COPB2: variants seen among roughly 807,000 people sequenced by gnomAD.
COPB2 encodes coatomer subunit beta'.
COPB2 carries 16 observed loss-of-function variants against 120.8 expected under a neutral mutation model. That is an observed-to-expected ratio of 0.13 (90% CI 0.09 to 0.20). The LOEUF is 0.20. Ranked by LOEUF, COPB2 falls within the 10% of genes least tolerant of loss-of-function variation. COPB2 has a pLI of 1.00. For missense variants in COPB2, 794 were observed against 1,076.5 expected (o/e 0.74, Z 3.67); for synonymous variants, 332 against 366.3 (o/e 0.91, Z 1.07).
intron 5 of COPB2, among the ~76,000 whole-genome samples, chr3:139,377,255 A>AG (rs11403501): frequency 6.6e-6 from 1 of 151,986 alleles, no homozygotes; most frequent in Non-Finnish European, 1.5e-5. Flanking sequence ...AATCTGAGAA[A>AG]GGCTGAAACA....
At position 139,367,047 on chromosome 3, in the gene COPB2, T is replaced by A; in HGVS notation, c.1644A>T (p.Gly548=). 1.9e-6 allele frequency: 3 copies of A among 1,613,658 alleles called. No homozygotes were observed. In the South Asian group the frequency reaches 3.3e-5, roughly 18 times the overall value. Residue 548 remains glycine, a synonymous_variant, in exon 14 of 22, where the codon GGA becomes GGT. Coordinates refer to ENST00000333188, the MANE Select transcript of COPB2 (RefSeq NM_004766.3). The part of the protein sequence containing the change: ...SSVNRLNYYV[G]GEIVTIAHLD... Reference sequence around the variant, plus strand: ...AGTGGGCAATGGTGACTATTTCTCCTCCAACATAATAATTTAATCTGTTCA... The same window carrying A: ...AGTGGGCAATGGTGACTATTTCTCCACCAACATAATAATTTAATCTGTTCA...
chr3:139,359,857 T>C (rs1391938632), intron 17 of COPB2, among the ~76,000 whole-genome samples: 1 of 152,202 alleles, frequency 6.6e-6, no homozygotes, highest in East Asian at 1.9e-4. Flanking sequence ...TCAGGATTTT[T>C]TGGATTTTCG....
chr3:139,366,425 T>C (rs182431623), intron 15 of COPB2, 143 bp downstream of exon 15: 3 of 690,050 alleles, frequency 4.3e-6, no homozygotes, highest in Non-Finnish European at 4.8e-6. Context: ...TGTGCTGTAA[T>C]AAGTGCCTTA....
At chr3:139,376,660 A>C (rs1476063079) in intron 5 of COPB2, among the ~76,000 whole-genome samples, 1 of 152,252 alleles carries the variant, frequency 6.6e-6, no homozygotes, top group Non-Finnish European at 1.5e-5. Flanking sequence ...GAAAACTACT[A>C]ACAGTGTTTT....
chr3:139,373,057 T>C (rs1941649188), intron 9 of COPB2, among the ~76,000 whole-genome samples, 156 bp downstream of exon 9: 1 of 152,210 alleles, frequency 6.6e-6, no homozygotes, highest in South Asian at 2.1e-4. Context: ...TCAAGTGGCA[T>C]GGCTGACTGC....
At position 139,378,046 on chromosome 3, in the gene COPB2, T is replaced by C. The variant is rs747935086; in HGVS notation, c.499A>G (p.Ile167Val). 20 of 1,551,332 alleles carry C rather than the reference T, an allele frequency of 1.3e-5. No homozygotes were observed. Among genetic ancestry groups the C allele is most frequent in the Admixed American group, 1.7e-5 (1 of 59,198 alleles). Residue 167 changes from isoleucine (I) to valine (V), a missense_variant, in exon 5 of 22, where the codon ATC becomes GTC. By Grantham distance (29) the Ile-to-Val change is conservative. Around this residue, in one of 3 missense-constraint regions of COPB2, gnomAD observed 610 missense variants for 866.7 expected, o/e 0.70. Transcript: ENST00000333188. Reference protein sequence around the residue: ...QFASASLDRTIKVWQLGSSSP... With the variant: ...QFASASLDRTVKVWQLGSSSP... ...ACAAAATGTGGATGCCCTACCTTGA[T>C]AGTCCTGTCCAAAGAGGCACTGGCA...
At chr3:139,382,286 C>T (rs1941830189) in intron 2 of COPB2, 1 of 152,172 alleles carries the variant, frequency 6.6e-6, no homozygotes, top group Non-Finnish European at 1.5e-5. Flanking sequence ...TGTGGCACTT[C>T]CCACTTTGCT....
chr3:139,364,216 C>A (rs1452572816), intron 15 of COPB2, among the ~76,000 whole-genome samples: 1 of 152,108 alleles, frequency 6.6e-6, no homozygotes, highest in African/African-American at 2.4e-5. Flanking sequence ...GTGATTTACA[C>A]CCAGTGTGTC....
chr3:139,366,970 A>C, intron 14 of COPB2, 45 bp downstream of exon 14: 1 of 1,584,722 alleles, frequency 6.3e-7, no homozygotes, highest in Non-Finnish European at 8.6e-7. Context: ...ATTTTTCTAA[A>C]CACACTTTAA....
Position 139,358,828 on chromosome 3 carries a change from G to A in COPB2, c.2485-16C>T. The stretch of plus-strand genomic sequence containing the variant: ...CTTCATTTGGCTATCAGAGAATAAA[G>A]CAATGATGAAATGAGATATTCTGAA... On this transcript the variant is annotated splice_polypyrimidine_tract_variant and intron_variant, in intron 19 of 21. Coordinates refer to ENST00000333188, the MANE Select transcript of COPB2 (RefSeq NM_004766.3). The A allele has an allele frequency of 1.9e-6, 3 of 1,602,968 alleles. No individual in the cohort carries two copies. The highest frequency in any genetic ancestry group is 2.7e-5 in the African/African-American group (2 of 74,752).
At chr3:139,365,364 A>C (rs1941495168) in intron 15 of COPB2, among the ~76,000 whole-genome samples, 1 of 152,248 alleles carries the variant, frequency 6.6e-6, no homozygotes, top group African/African-American at 2.4e-5. Context: ...AATGCCTTCA[A>C]AATTCTGAGA....
intron 2 of COPB2, chr3:139,382,027 A>C (rs748476004): frequency 9.9e-5 from 15 of 152,230 alleles, no homozygotes; most frequent in Non-Finnish European, 1.5e-5. Context: ...TGGTTGAACA[A>C]ATAATTATTG....
At chr3:139,386,288 G>C (rs1030359772) in intron 1 of COPB2, among the ~76,000 whole-genome samples, 2 of 149,538 alleles carry the variant, frequency 1.3e-5, no homozygotes, top group Admixed American at 6.7e-5. Flanking sequence ...ACAGAGTCTT[G>C]CTCTGTCGCC....
At chr3:139,384,658 AC>A (rs1476491467) in intron 1 of COPB2, among the ~76,000 whole-genome samples, 2 of 152,218 alleles carry the variant, frequency 1.3e-5, no homozygotes, top group Non-Finnish European at 2.9e-5. Flanking sequence ...TCCCCATTTC[AC>A]CACACAGAAT....
intron 15 of COPB2, among the ~76,000 whole-genome samples, 172 bp from the exon 16 acceptor site, chr3:139,362,689 T>A (rs952591958): frequency 2.0e-5 from 3 of 151,754 alleles, no homozygotes; most frequent in Non-Finnish European, 4.4e-5. Context: ...AATTAAGGAG[T>A]CATTAAAGGA....
rs541353155 is a variant in COPB2, at chr3:139,379,610, A to C, written c.142-144T>G. On this transcript the variant is annotated intron_variant, in intron 2 of 21. Transcript: ENST00000333188. ...GCTAAAATATAAAAGCTCAACATTC[A>C]AATTTTTAAAAAAGACCAACTATCT... 5 of 633,168 alleles carry C rather than the reference A, an allele frequency of 7.9e-6. No homozygotes were observed. In the African/African-American group the frequency reaches 9.4e-5, roughly 12 times the overall value. 39.2% of individuals were successfully genotyped at this position (633,168 alleles called of 1,614,324 possible).
At position 139,373,427 on chromosome 3, in the gene COPB2, A is replaced by C. The variant is rs1385843682; in HGVS notation, c.895-15T>G. On this transcript the variant is annotated splice_polypyrimidine_tract_variant and intron_variant, in intron 8 of 21. Transcript: ENST00000333188. ...TCCCGACCAAGCTGAAAGAAAGAAA[A>C]ATAGCTCTCAGCAATGAAAAGGAAA... 1 of 1,613,602 alleles carries C rather than the reference A, an allele frequency of 6.2e-7. No homozygotes were observed. The highest frequency in any genetic ancestry group is 8.5e-7 in the Non-Finnish European group (1 of 1,179,734).
chr3:139,377,072 TA>T (rs397707446), intron 5 of COPB2, among the ~76,000 whole-genome samples: 6 of 64,044 alleles, frequency 9.4e-5, no homozygotes, highest in Non-Finnish European at 2.7e-4. Context: ...AATATTATGA[TA>T]AAAAAAAGAA....
chr3:139,366,555 C>G lies in COPB2; in HGVS notation c.1884+13G>C, dbSNP rs770151959. On this transcript the variant is annotated intron_variant, in intron 15 of 21. Transcript: ENST00000333188. ...GTTTTAAAAAACAAAAAGAAAAAAA[C>G]AAAACCTCTTACCTGCTTTTCCAAA... The G allele has an allele frequency of 6.4e-7, 1 of 1,570,910 alleles. No homozygotes were observed. Among genetic ancestry groups the G allele is most frequent in the African/African-American group, 1.4e-5 (1 of 72,752 alleles).
Sources: allele counts gnomAD v4.1 joint callset (sites outside exome capture counted in the v4.1 genomes callset), GRCh38; gene constraint gnomAD v4.1.1; regional missense constraint gnomAD v4.1.1; transcripts MANE v1.5; gene names NCBI Gene and HGNC (gene_info 2026-07-23, HGNC 2026-07-21).